The following LIMCH1 variants were observed in gnomAD, a reference collection of about 807,000 sequenced individuals.
The protein encoded by LIMCH1 is LIM and calponin homology domains 1.
In LIMCH1, 113 loss-of-function variants were observed where a neutral mutation model predicts 176.5. That is an observed-to-expected ratio of 0.64 (90% CI 0.55 to 0.75). The LOEUF is 0.75. Among genes scored for constraint, LIMCH1 ranks in the 30% least tolerant of loss-of-function variants. The pLI is 0.00. For synonymous variants in LIMCH1, 619 were observed against 645.9 expected, an observed-to-expected ratio of 0.96 and a Z score of 0.63; for missense variants, 1,674 against 1,814.9, an observed-to-expected ratio of 0.92 and a Z score of 1.41.
intron 1 of LIMCH1, among the ~76,000 whole-genome samples, chr4:41,427,596 G>A (rs1240106826): frequency 1.3e-5 from 2 of 152,132 alleles, no homozygotes; most frequent in East Asian, 1.9e-4. Context: ...TTTGAAAGCC[G>A]GACAGCTGTG....
chr4:41,660,444 A>G (rs2094581303), intron 18 of LIMCH1, among the ~76,000 whole-genome samples: 1 of 152,234 alleles, frequency 6.6e-6, no homozygotes, highest in South Asian at 2.1e-4. Context: ...GTGAGGTTCA[A>G]ATCACAGAGA....
chr4:41,574,970 A>G (rs1189429575), intron 1 of LIMCH1, among the ~76,000 whole-genome samples: 3 of 152,182 alleles, frequency 2.0e-5, no homozygotes, highest in Non-Finnish European at 2.9e-5. Flanking sequence ...TGTCTGTGAA[A>G]TACTCAGCAC....
At chr4:41,378,221 C>G (rs1165209203) in intron 1 of LIMCH1, among the ~76,000 whole-genome samples, 2 of 152,200 alleles carry the variant, frequency 1.3e-5, no homozygotes, top group Admixed American at 1.3e-4. Context: ...TGGGTCACAT[C>G]AGCAGAGGCC....
chr4:41,468,345 T>TCCG (rs2066451429), intron 1 of LIMCH1, among the ~76,000 whole-genome samples: 1 of 10,766 alleles, frequency 9.3e-5, no homozygotes, highest in Non-Finnish European at 2.3e-4. Context: ...TCCCCTCCCC[T>TCCG]CCTCCTCCTC....
At chr4:41,616,788 T>C (rs1302695938) in intron 5 of LIMCH1, among the ~76,000 whole-genome samples, 1 of 152,096 alleles carries the variant, frequency 6.6e-6, no homozygotes, top group Non-Finnish European at 1.5e-5. Flanking sequence ...ACCTGTATTA[T>C]CACCTCCATG....
intron 1 of LIMCH1, among the ~76,000 whole-genome samples, chr4:41,407,074 T>C (rs2059034677): frequency 6.6e-6 from 1 of 152,166 alleles, no homozygotes; most frequent in Admixed American, 6.5e-5. Context: ...CTTTCATCCC[T>C]CTGCCTGGAG....
chr4:41,667,217 T>G (rs557336916), intron 21 of LIMCH1, among the ~76,000 whole-genome samples: 3 of 152,358 alleles, frequency 2.0e-5, no homozygotes, highest in African/African-American at 7.2e-5. Flanking sequence ...AATTCTAGTC[T>G]TCATAAATGT....
At chr4:41,650,258 T>G in intron 17 of LIMCH1, 135 bp from the exon 18 acceptor site, 1 of 668,852 alleles carries the variant, frequency 1.5e-6, no homozygotes, top group East Asian at 2.7e-5. Context: ...ATCAGAACAT[T>G]TAAGAGACCT....
rs375415342 is a variant in LIMCH1, at chr4:41,487,760, G to A, written c.97-6776G>A. On this transcript the variant is annotated intron_variant, in intron 1 of 26. Coordinates refer to the LIMCH1 transcript ENST00000313860. Reference sequence around the variant, plus strand: ...TGCAAGCTCCACCTCCTGGGTTCACGCCATTCTCCTGCCTCCCTAGTAGCT... The same window carrying A: ...TGCAAGCTCCACCTCCTGGGTTCACACCATTCTCCTGCCTCCCTAGTAGCT... 1.2e-4 allele frequency among the ~76,000 whole-genome samples: 17 copies of A among 145,128 alleles called. 1 individual carries two copies. The South Asian group carries it at 1.3e-3, about 11-fold the overall frequency.
chr4:41,383,836 G>A (rs1334706406), intron 1 of LIMCH1, among the ~76,000 whole-genome samples: 2 of 152,184 alleles, frequency 1.3e-5, no homozygotes, highest in African/African-American at 4.8e-5. Flanking sequence ...TGTGAACACT[G>A]TGAAGAATGA....
intron 1 of LIMCH1, among the ~76,000 whole-genome samples, chr4:41,487,866 A>C (rs984536132): frequency 6.7e-6 from 1 of 149,852 alleles, no homozygotes; most frequent in African/African-American, 2.5e-5. Context: ...GTTAGCCAGG[A>C]TGGTCTCAAT....
chr4:41,501,941 A>C (rs982270268), intron 2 of LIMCH1, among the ~76,000 whole-genome samples: 1 of 136,160 alleles, frequency 7.3e-6, no homozygotes, highest in Middle Eastern at 4.1e-3. Flanking sequence ...CAGGATATGC[A>C]GGTTTGTTAC....
chr4:41,551,482 C>T (rs1327639624), intron 1 of LIMCH1: 1 of 151,992 alleles, frequency 6.6e-6, no homozygotes, highest in Non-Finnish European at 1.5e-5. Flanking sequence ...GGGCATCTTC[C>T]AGGGGTAGGC....
At chr4:41,494,454 T>TAC (rs1050154144) in intron 1 of LIMCH1, 8 of 922,032 alleles carry the variant, frequency 8.7e-6, no homozygotes, top group Admixed American at 2.0e-5. Flanking sequence ...TACACACACA[T>TAC]ACACACACAC....
At chr4:41,574,659 A>G (rs773476959) in intron 1 of LIMCH1, among the ~76,000 whole-genome samples, 19 of 152,108 alleles carry the variant, frequency 1.2e-4, no homozygotes, top group Non-Finnish European at 2.2e-4. Context: ...CAGCTTAACC[A>G]TCATCCCTGT....
intron 1 of LIMCH1, among the ~76,000 whole-genome samples, chr4:41,551,645 C>A (rs1243533544): frequency 1.3e-5 from 2 of 152,054 alleles, no homozygotes; most frequent in Non-Finnish European, 2.9e-5. Flanking sequence ...GTTTTTATAT[C>A]TTTAAATGGT....
intron 22 of LIMCH1, 92 bp downstream of exon 22, chr4:41,671,686 C>T (rs2095038095): frequency 1.0e-6 from 1 of 993,714 alleles, no homozygotes; most frequent in East Asian, 2.4e-5. Flanking sequence ...AGGCCGGGTG[C>T]AGGCGGTGGC....
At chr4:41,561,042 C>CA (rs1177575862) in intron 1 of LIMCH1, among the ~76,000 whole-genome samples, 1 of 151,920 alleles carries the variant, frequency 6.6e-6, no homozygotes, top group Admixed American at 6.6e-5. Context: ...CCAAACAAAC[C>CA]AAAAAAACAA....
chr4:41,612,103 C>G (rs2091492185), intron 4 of LIMCH1, among the ~76,000 whole-genome samples: 1 of 152,220 alleles, frequency 6.6e-6, no homozygotes, highest in Admixed American at 6.5e-5. Flanking sequence ...GGGTGCTCCT[C>G]TCCGTCCTGC....
Sources: allele counts gnomAD v4.1 joint callset (sites outside exome capture counted in the v4.1 genomes callset), GRCh38; gene constraint gnomAD v4.1.1; transcripts MANE v1.5; gene names NCBI Gene and HGNC (gene_info 2026-07-23, HGNC 2026-07-21).